Variants in CYP7B1 observed in about 807,000 individuals in gnomAD.
CYP7B1 encodes cytochrome P450 family 7 subfamily B member 1, also known as cytochrome P450 7B1.
Under a neutral mutation model 42.7 loss-of-function variants are expected in CYP7B1, and 29 were observed. The observed-to-expected ratio is 0.68, with a 90% CI of 0.51 to 0.93. The LOEUF is 0.93. CYP7B1 is among the 40% of genes least tolerant of loss of function. The probability of loss-of-function intolerance (pLI) is 0.00; values close to 1 mark genes in which losing one functional copy is unlikely to be tolerated. For synonymous variants in CYP7B1, 235 were observed against 218.2 expected, an observed-to-expected ratio of 1.08 and a Z score of -0.68; for missense variants, 655 against 600.5, an observed-to-expected ratio of 1.09 and a Z score of -0.95.
Position 64,596,562 on chromosome 8 carries a change from G to T in CYP7B1, c.*80C>A. The T allele has an allele frequency of 2.2e-6, 3 of 1,340,970 alleles. No individual in the cohort carries two copies. The highest frequency in any genetic ancestry group is 3.1e-6 in the Non-Finnish European group (3 of 970,990). 83.1% of individuals were successfully genotyped at this position (1,340,970 alleles called of 1,614,324 possible). On this transcript the variant is annotated 3_prime_UTR_variant, in exon 6 of 6. Transcript: ENST00000310193. ...TTAAACAAATAAATCAATTACATTTGCAGAAATTAAAAAGAAATAGATGAG... is the reference window on the plus strand; with the variant it reads ...TTAAACAAATAAATCAATTACATTTTCAGAAATTAAAAAGAAATAGATGAG...
chr8:64,642,260 A>T (rs1476244207), intron 1 of CYP7B1, among the ~76,000 whole-genome samples: 1 of 150,112 alleles, frequency 6.7e-6, no homozygotes, highest in Non-Finnish European at 1.5e-5. Flanking sequence ...CTTCTATTTT[A>T]AATTTTTTTT....
At chr8:64,665,578 T>C in intron 1 of CYP7B1, among the ~76,000 whole-genome samples, 1 of 120,016 alleles carries the variant, frequency 8.3e-6, no homozygotes, top group Non-Finnish European at 1.7e-5. Flanking sequence ...TTTTTTTTTT[T>C]TTTTTTTTTT....
At position 64,666,182 on chromosome 8, in the gene CYP7B1, C is replaced by T. The variant is rs537983902; in HGVS notation, c.123-41643G>A. On this transcript the variant is annotated intron_variant, in intron 1 of 5. Coordinates refer to ENST00000310193, the MANE Select transcript of CYP7B1 (RefSeq NM_004820.5). ...TAATAAAGATGTATCTCTTCTATAA[C>T]CAATCAAAAGTACAAAAGTTACTCA... is the stretch of plus-strand genomic sequence containing the variant. 8.5e-5 allele frequency among the ~76,000 whole-genome samples: 13 copies of T among 152,144 alleles called. No individual in the cohort carries two copies. In the South Asian group the frequency reaches 1.9e-3, roughly 22 times the overall value.
intron 1 of CYP7B1, among the ~76,000 whole-genome samples, chr8:64,636,250 C>T (rs1304038602): frequency 6.6e-6 from 1 of 152,162 alleles, no homozygotes; most frequent in Middle Eastern, 3.2e-3. Context: ...TGTAGTCTCA[C>T]TGTGTGGCTC....
chr8:64,594,822 T>C lies in CYP7B1; in HGVS notation c.*1820A>G, dbSNP rs2129629687. Among the ~76,000 whole-genome samples the C allele has an allele frequency of 6.6e-6, 1 of 152,290 alleles. No homozygotes were observed. Among genetic ancestry groups the C allele is most frequent in the East Asian group, 1.9e-4 (1 of 5,184 alleles). On this transcript the variant is annotated 3_prime_UTR_variant, in exon 6 of 6. Transcript: ENST00000310193. ...TGGTGAGAAAAGATCAAAGGATGTA[T>C]GTAGAGTGAGAGGATCTAATGTAGA...
chr8:64,650,821 A>C (rs1234441220), intron 1 of CYP7B1, among the ~76,000 whole-genome samples: 1 of 152,148 alleles, frequency 6.6e-6, no homozygotes, highest in East Asian at 1.9e-4. Context: ...AGCAGCAGAA[A>C]ATTTTCTAGG....
intron 2 of CYP7B1, among the ~76,000 whole-genome samples, chr8:64,621,822 G>A (rs4737193): frequency 0.71 from 105,888 of 149,412 alleles, 37,506 homozygotes; most frequent in Middle Eastern, 0.75. Flanking sequence ...TGCAACCTCC[G>A]CCTCCCGGGT....
chr8:64,699,008 T>A (rs2356987), intron 1 of CYP7B1, among the ~76,000 whole-genome samples: 1,676 of 152,298 alleles, frequency 0.011, 37 homozygotes, highest in African/African-American at 0.037. Context: ...TCAGCCATCA[T>A]ACAATGCTGC....
chr8:64,616,091 C>G lies in CYP7B1; in HGVS notation c.450G>C (p.Leu150Phe). 2.5e-6 allele frequency: 4 copies of G among 1,613,546 alleles called. No homozygotes were observed. The highest frequency in any genetic ancestry group is 3.4e-6 in the Non-Finnish European group (4 of 1,179,762). ...LCYQFLQGKS[L>F]DILLESMMQN... The stretch of plus-strand genomic sequence containing the variant: ...GCATCATGCTTTCCAAGAGTATGTC[C>G]AAAGATTTGCCTTGCAAAAATTGAT... Residue 150 changes from leucine to phenylalanine, a missense_variant, in exon 3 of 6, where the codon TTG becomes TTC. Physicochemically the swap from Leu to Phe is conservative, Grantham distance 22 (BLOSUM62 0). Coordinates refer to ENST00000310193, the MANE Select transcript of CYP7B1 (RefSeq NM_004820.5).
chr8:64,599,569 A>G (rs898267984), intron 5 of CYP7B1, among the ~76,000 whole-genome samples: 1 of 152,198 alleles, frequency 6.6e-6, no homozygotes, highest in African/African-American at 2.4e-5. Context: ...ATGAGAATAG[A>G]AAAATCACAA....
chr8:64,744,874 C>A (rs765400761), intron 1 of CYP7B1, among the ~76,000 whole-genome samples: 6 of 152,134 alleles, frequency 3.9e-5, no homozygotes, highest in African/African-American at 1.4e-4. Flanking sequence ...CCCATTTAAA[C>A]CACATTTTTA....
intron 1 of CYP7B1, among the ~76,000 whole-genome samples, chr8:64,719,474 G>A (rs1333715491): frequency 9.9e-5 from 15 of 152,214 alleles, no homozygotes; most frequent in Admixed American, 8.5e-4. Context: ...ACAGATTGCT[G>A]CTTGTCAAAG....
intron 1 of CYP7B1, among the ~76,000 whole-genome samples, chr8:64,733,263 C>T (rs1332442374): frequency 6.6e-6 from 1 of 152,110 alleles, no homozygotes; most frequent in Non-Finnish European, 1.5e-5. Context: ...GGTCCCCCTA[C>T]TATATTGAAG....
chr8:64,604,832 T>C lies in CYP7B1; in HGVS notation c.1083A>G (p.Arg361=). Reference sequence around the variant, plus strand: ...GAATGGTGGTTGAATATGAGGACAGTCGTAAAGCTTCAAAAATGCTGCTTT... The same window carrying C: ...GAATGGTGGTTGAATATGAGGACAGCCGTAAAGCTTCAAAAATGCTGCTTT... ...CLESSIFEAL[R]LSSYSTTIRF... is the part of the protein sequence containing the mutation. The change falls in exon 5 of 6, where the codon CGA becomes CGG. Residue 361 remains arginine (R), a synonymous_variant. Coordinates refer to ENST00000310193, the MANE Select transcript of CYP7B1 (RefSeq NM_004820.5). 6.2e-7 allele frequency: 1 copy of C among 1,614,024 alleles called. No individual in the cohort carries two copies. The highest frequency in any genetic ancestry group is 8.5e-7 in the Non-Finnish European group (1 of 1,180,016).
intron 1 of CYP7B1, among the ~76,000 whole-genome samples, chr8:64,686,956 T>A (rs1378490973): frequency 8.0e-6 from 1 of 125,786 alleles, no homozygotes; most frequent in Admixed American, 8.2e-5. Context: ...TCATCACCAA[T>A]CCCTAATCTC....
intron 1 of CYP7B1, among the ~76,000 whole-genome samples, chr8:64,742,228 C>T (rs1807580750): frequency 6.6e-6 from 1 of 151,414 alleles, no homozygotes; most frequent in Non-Finnish European, 1.5e-5. Flanking sequence ...AAAAATATTA[C>T]ACTGAGTTGA....
At chr8:64,727,784 A>C (rs977441307) in intron 1 of CYP7B1, among the ~76,000 whole-genome samples, 2 of 152,218 alleles carry the variant, frequency 1.3e-5, no homozygotes, top group South Asian at 4.1e-4. Context: ...TGCTTGGACA[A>C]TTCTAACACA....
intron 4 of CYP7B1, among the ~76,000 whole-genome samples, chr8:64,605,690 A>G (rs1179962850): frequency 6.6e-6 from 1 of 152,202 alleles, no homozygotes; most frequent in African/African-American, 2.4e-5. Flanking sequence ...CTCTCCCTTC[A>G]TAATCAAAAC....
At chr8:64,712,029 C>T (rs1205038061) in intron 1 of CYP7B1, among the ~76,000 whole-genome samples, 1 of 152,120 alleles carries the variant, frequency 6.6e-6, no homozygotes, top group Non-Finnish European at 1.5e-5. Context: ...GAGATAAAGT[C>T]AGCAAAGAAC....
Sources: allele counts gnomAD v4.1 joint callset (sites outside exome capture counted in the v4.1 genomes callset), GRCh38; gene constraint gnomAD v4.1.1; transcripts MANE v1.5; gene names NCBI Gene and HGNC (gene_info 2026-07-23, HGNC 2026-07-21).